The following TTC21B variants were observed in gnomAD, a reference collection of about 807,000 sequenced individuals.
The protein encoded by TTC21B is tetratricopeptide repeat domain 21B.
Under a neutral mutation model 175.1 loss-of-function variants are expected in TTC21B, and 127 were observed. The observed-to-expected ratio is 0.73, with a 90% confidence interval of 0.63 to 0.84. The LOEUF (loss-of-function observed/expected upper bound fraction) is 0.84, where lower values mean the gene tolerates loss of function less well. Among genes scored for constraint, TTC21B ranks in the 40% least tolerant of loss-of-function variants. TTC21B has a pLI of 0.00. For synonymous variants in TTC21B, 524 were observed against 524.5 expected (o/e 1.00, Z 0.01); for missense variants, 1,561 against 1,558.3 (o/e 1.00, Z -0.03).
Position 165,953,675 on chromosome 2 carries a change from A to ACCCGCTCC in TTC21B, c.21+9_21+10insGGAGCGGG, listed in dbSNP as rs141509830. 1 of 1,506,998 alleles carries ACCCGCTCC rather than the reference A, an allele frequency of 6.6e-7. No individual in the cohort carries two copies. Among genetic ancestry groups the ACCCGCTCC allele is most frequent in the Non-Finnish European group, 8.9e-7 (1 of 1,119,066 alleles). The allele number at this position is 1,506,998 out of a possible 1,614,324, so 93.4% of individuals were successfully genotyped here. A position where few individuals can be genotyped will look rare whatever the true frequency, so the allele number is the denominator to read the frequency against. The stretch of plus-strand genomic sequence containing the variant: ...CGCCCGCTCACCCGCTCACCCGCTC[A>ACCCGCTCC]CCCGCTCACCTTCAATTCCTGCGAG... On this transcript the variant is annotated intron_variant, in intron 1 of 28. Coordinates refer to ENST00000243344, the MANE Select transcript of TTC21B (RefSeq NM_024753.5).
At chr2:165,892,710 G>A (rs193095837) in intron 22 of TTC21B, among the ~76,000 whole-genome samples, 21 of 152,192 alleles carry the variant, frequency 1.4e-4, no homozygotes, top group Non-Finnish European at 2.5e-4. Flanking sequence ...CAGGGGCTCC[G>A]GGAAGAGGAA....
intron 14 of TTC21B, 125 bp downstream of exon 14, chr2:165,917,132 G>C (rs1686204640): frequency 1.2e-6 from 1 of 860,904 alleles, no homozygotes; most frequent in Non-Finnish European, 1.9e-6. Context: ...ATCTGCCTCG[G>C]CCTCCCAAAG....
chr2:165,949,216 C>T, intron 3 of TTC21B, 178 bp downstream of exon 3: 1 of 623,834 alleles, frequency 1.6e-6, no homozygotes, highest in South Asian at 2.0e-5. Flanking sequence ...TAGTATAAGA[C>T]ACATTTCTTG....
intron 26 of TTC21B, among the ~76,000 whole-genome samples, chr2:165,882,506 T>G (rs963848648): frequency 6.6e-6 from 1 of 152,132 alleles, no homozygotes; most frequent in Non-Finnish European, 1.5e-5. Context: ...CTACTAGAGG[T>G]GTCTTTAAGT....
At chr2:165,888,042 A>T (rs1056287061) in intron 25 of TTC21B, among the ~76,000 whole-genome samples, 2 of 152,212 alleles carry the variant, frequency 1.3e-5, no homozygotes, top group Non-Finnish European at 2.9e-5. Flanking sequence ...TGAAGAATTC[A>T]GTTTCTGTAG....
chr2:165,937,285 G>A (rs1687184733), intron 6 of TTC21B, among the ~76,000 whole-genome samples: 1 of 152,056 alleles, frequency 6.6e-6, no homozygotes, highest in Non-Finnish European at 1.5e-5. Context: ...GAGTTGGGGA[G>A]ATGGAGGGAT....
chr2:165,874,834 T>TGCAAAACAAATAAAGAACCC lies in TTC21B; in HGVS notation c.3874-22_3874-3dup. On this transcript the variant is annotated splice_region_variant and splice_polypyrimidine_tract_variant and intron_variant, in intron 28 of 28. Transcript: ENST00000243344. Reference sequence around the variant, plus strand: ...ATAAGTTGGATGTGCTTCAAGAACCTGCAAAACAAATAAAGAACCCATAAA... The same window carrying TGCAAAACAAATAAAGAACCC: ...ATAAGTTGGATGTGCTTCAAGAACCTGCAAAACAAATAAAGAACCCGCAAAACAAATAAAGAACCCATAAA... 6.2e-7 allele frequency: 1 copy of TGCAAAACAAATAAAGAACCC among 1,613,340 alleles called. No homozygotes were observed. The highest frequency in any genetic ancestry group is 8.5e-7 in the Non-Finnish European group (1 of 1,179,530).
At chr2:165,882,529 C>T (rs1319956585) in intron 26 of TTC21B, among the ~76,000 whole-genome samples, 1 of 152,110 alleles carries the variant, frequency 6.6e-6, no homozygotes, top group Non-Finnish European at 1.5e-5. Context: ...GCCCCTAGAT[C>T]TTTCACACAA....
intron 6 of TTC21B, among the ~76,000 whole-genome samples, chr2:165,936,459 C>T (rs1184294067): frequency 2.0e-5 from 3 of 151,896 alleles, no homozygotes; most frequent in African/African-American, 7.3e-5. Flanking sequence ...AGTTGATAAG[C>T]TGGACTTCAT....
intron 11 of TTC21B, among the ~76,000 whole-genome samples, chr2:165,925,850 T>C (rs1686606557): frequency 6.6e-6 from 1 of 152,180 alleles, no homozygotes; most frequent in Admixed American, 6.5e-5. Context: ...TTTAAAAATA[T>C]CTGTTTTTTT....
At position 165,927,028 on chromosome 2, in the gene TTC21B, T is replaced by TTA. The variant is rs200733568; in HGVS notation, c.1386+2105_1386+2106dup. On this transcript the variant is annotated intron_variant, in intron 11 of 28. Coordinates refer to ENST00000243344, the MANE Select transcript of TTC21B (RefSeq NM_024753.5). The stretch of plus-strand genomic sequence containing the variant: ...TATATATATATATATCTCCTAGTAG[T>TTA]TATATATATATATATGTGTATATAT... Among the ~76,000 whole-genome samples, 13 of 70,974 alleles carry TTA rather than the reference T, an allele frequency of 1.8e-4. 1 individual carries two copies. The highest frequency in any genetic ancestry group is 6.9e-4 in the East Asian group (2 of 2,888). 46.6% of individuals were successfully genotyped at this position (70,974 alleles called of 152,430 possible). A position where few individuals can be genotyped will look rare whatever the true frequency, so the allele number is the denominator to read the frequency against.
chr2:165,931,534 T>C (rs979212413), intron 8 of TTC21B, among the ~76,000 whole-genome samples: 4 of 152,174 alleles, frequency 2.6e-5, no homozygotes, highest in Non-Finnish European at 5.9e-5. Context: ...CACTTCGCTA[T>C]GCTTAAAAGA....
chr2:165,927,965 T>C (rs553027477), intron 11 of TTC21B, among the ~76,000 whole-genome samples: 2 of 152,318 alleles, frequency 1.3e-5, no homozygotes, highest in African/African-American at 4.8e-5. Context: ...CTGTGCTGAA[T>C]GTGAGCTGAA....
chr2:165,926,592 A>C (rs533444453), intron 11 of TTC21B, among the ~76,000 whole-genome samples: 176 of 152,146 alleles, frequency 1.2e-3, no homozygotes, highest in African/African-American at 4.0e-3. Context: ...TAATACTGTC[A>C]ACTTGATTGT....
At chr2:165,921,827 C>CT (rs1009653293) in intron 12 of TTC21B, among the ~76,000 whole-genome samples, 19 of 124,274 alleles carry the variant, frequency 1.5e-4, no homozygotes, top group South Asian at 2.6e-4. Context: ...TTTTCTTAAT[C>CT]TTTTTTTTTA....
chr2:165,910,200 G>A lies in TTC21B; in HGVS notation c.2461+1127C>T, dbSNP rs148176634. On this transcript the variant is annotated intron_variant, in intron 18 of 28. Coordinates refer to ENST00000243344, the MANE Select transcript of TTC21B (RefSeq NM_024753.5). Reference sequence around the variant, plus strand: ...AGGCAGATCACAAGGTCAGGAGATCGAGACTGTCCTGGCTAACATGGTGAA... The same window carrying A: ...AGGCAGATCACAAGGTCAGGAGATCAAGACTGTCCTGGCTAACATGGTGAA... 8.8e-3 allele frequency among the ~76,000 whole-genome samples: 1,346 copies of A among 152,164 alleles called. 21 individuals are homozygous for A. The highest frequency in any genetic ancestry group is 0.031 in the African/African-American group (1,283 of 41,514).
chr2:165,904,829 GTAAGTGA>G (rs1196363967), intron 19 of TTC21B, among the ~76,000 whole-genome samples: 1 of 152,104 alleles, frequency 6.6e-6, no homozygotes, highest in East Asian at 1.9e-4. Context: ...TATTAAGAAG[GTAAGTGA>G]TGATTTCACT....
chr2:165,910,312 A>C (rs1574092633), intron 18 of TTC21B, among the ~76,000 whole-genome samples: 1 of 152,002 alleles, frequency 6.6e-6, no homozygotes. Flanking sequence ...CTGAGGCAGG[A>C]GAATGGTGTG....
intron 12 of TTC21B, among the ~76,000 whole-genome samples, chr2:165,920,745 C>CTAAATATTTAAAATATGTTGAAATATTT (rs1686359743): frequency 7.4e-6 from 1 of 136,004 alleles, no homozygotes; most frequent in Non-Finnish European, 1.6e-5. Context: ...GGGTAGGATA[C>CTAAATATTTAAAATATGTTGAAATATTT]TAAATATTTA....
Sources: allele counts gnomAD v4.1 joint callset (sites outside exome capture counted in the v4.1 genomes callset), GRCh38; gene constraint gnomAD v4.1.1; transcripts MANE v1.5; gene names NCBI Gene and HGNC (gene_info 2026-07-23, HGNC 2026-07-21).